Variants in NXPH1 observed in about 807,000 individuals in gnomAD.
The protein encoded by NXPH1 is neurexophilin-1.
A neutral mutation model predicts 23.7 loss-of-function variants in NXPH1; 5 were observed. That is an observed-to-expected ratio of 0.21 (90% confidence interval 0.11 to 0.44). The LOEUF (loss-of-function observed/expected upper bound fraction) is 0.44, where lower values mean the gene tolerates loss of function less well. NXPH1 is among the 20% of genes least tolerant of loss of function. The pLI is 0.99. For synonymous variants in NXPH1, 144 were observed against 122.2 expected, an observed-to-expected ratio of 1.18 and a Z score of -1.18; for missense variants, 324 against 321.6, an observed-to-expected ratio of 1.01 and a Z score of -0.06.
chr7:8,727,561 G>A (rs1419132064), intron 2 of NXPH1, among the ~76,000 whole-genome samples: 1 of 152,052 alleles, frequency 6.6e-6, no homozygotes, highest in Non-Finnish European at 1.5e-5. Context: ...CATATTGCTA[G>A]CCAGGTTTCC....
At chr7:8,493,047 G>T (rs187605506) in intron 2 of NXPH1, among the ~76,000 whole-genome samples, 1 of 152,050 alleles carries the variant, frequency 6.6e-6, no homozygotes, top group Admixed American at 6.6e-5. Context: ...GGTCCCTCAG[G>T]ATCTTATCTT....
chr7:8,557,220 A>G lies in NXPH1; in HGVS notation c.54+121453A>G, dbSNP rs143194983. Among the ~76,000 whole-genome samples the G allele has an allele frequency of 2.2e-3, 341 of 151,754 alleles. 4 individuals carry two copies. The highest frequency in any genetic ancestry group is 7.6e-3 in the African/African-American group (317 of 41,478). On this transcript the variant is annotated intron_variant, in intron 2 of 2. Transcript: ENST00000405863. ...GTGTTACAGCATTGTTCATGTGGGT[A>G]CATCCCGGGCTTTTGTTAGTCTTAA...
intron 2 of NXPH1, among the ~76,000 whole-genome samples, chr7:8,452,712 G>A (rs1816528578): frequency 6.6e-6 from 1 of 152,078 alleles, no homozygotes; most frequent in East Asian, 1.9e-4. Context: ...TTTCTAGTGG[G>A]CATCCTAAAG....
chr7:8,566,407 A>T (rs940273955), intron 2 of NXPH1, among the ~76,000 whole-genome samples: 1 of 151,850 alleles, frequency 6.6e-6, no homozygotes, highest in African/African-American at 2.4e-5. Flanking sequence ...GTAAAGCATT[A>T]TTTTGGGGCT....
At chr7:8,631,346 C>T (rs973097678) in intron 2 of NXPH1, among the ~76,000 whole-genome samples, 1 of 152,108 alleles carries the variant, frequency 6.6e-6, no homozygotes, top group African/African-American at 2.4e-5. Flanking sequence ...TAGGCAATAC[C>T]ATTCAGGACA....
chr7:8,706,823 A>T (rs1018633196), intron 2 of NXPH1, among the ~76,000 whole-genome samples: 5 of 152,154 alleles, frequency 3.3e-5, no homozygotes, highest in African/African-American at 1.2e-4. Flanking sequence ...AGGGAGGAGG[A>T]GTCCCTCTTA....
At chr7:8,436,951 T>A (rs1816205801) in intron 2 of NXPH1, among the ~76,000 whole-genome samples, 1 of 152,212 alleles carries the variant, frequency 6.6e-6, no homozygotes, top group Non-Finnish European at 1.5e-5. Context: ...GTGAATTCTG[T>A]GTATGTGAGT....
At chr7:8,727,069 C>T (rs1017194739) in intron 2 of NXPH1, among the ~76,000 whole-genome samples, 14 of 147,332 alleles carry the variant, frequency 9.5e-5, no homozygotes, top group African/African-American at 3.6e-4. Flanking sequence ...TTTTGATTTG[C>T]ATTTCTCTGA....
chr7:8,693,768 G>T (rs17406479), intron 2 of NXPH1, among the ~76,000 whole-genome samples: 23,417 of 152,074 alleles, frequency 0.15, 2,242 homozygotes, highest in Middle Eastern at 0.32. Context: ...TTATAAGTTG[G>T]TTTTCAAGTT....
intron 2 of NXPH1, among the ~76,000 whole-genome samples, chr7:8,454,727 A>G (rs1208351936): frequency 1.3e-5 from 2 of 151,938 alleles, no homozygotes; most frequent in South Asian, 2.1e-4. Flanking sequence ...GAGTTAGAAT[A>G]AGTCAACTTT....
At position 8,435,872 on chromosome 7, in the gene NXPH1, A is replaced by T; in HGVS notation, c.54+105A>T. The stretch of plus-strand genomic sequence containing the variant: ...GTTACGCCGCCAGTTCAGTGAGAGC[A>T]GCTTCCTAGCAGCTGTGTTGGAGCA... On this transcript the variant is annotated intron_variant, in intron 2 of 2. Transcript: ENST00000405863. The surrounding 1 kb of genome is among the most constrained non-coding windows in gnomAD (Gnocchi z 5.9). 9.5e-7 allele frequency: 1 copy of T among 1,052,624 alleles called. No individual in the cohort carries two copies. The allele number at this position is 1,052,624 out of a possible 1,614,324, so 65.2% of individuals were successfully genotyped here.
At chr7:8,502,096 TTGGCTC>T (rs1412246845) in intron 2 of NXPH1, among the ~76,000 whole-genome samples, 1 of 152,064 alleles carries the variant, frequency 6.6e-6, no homozygotes, top group African/African-American at 2.4e-5. Context: ...CTATCATTAA[TTGGCTC>T]TGTGGAACCG....
chr7:8,506,881 G>C (rs1817535044), intron 2 of NXPH1, among the ~76,000 whole-genome samples: 1 of 152,054 alleles, frequency 6.6e-6, no homozygotes, highest in Non-Finnish European at 1.5e-5. Context: ...GCAGGCACCA[G>C]ACCCTGCATG....
chr7:8,636,129 A>C (rs973223846), intron 2 of NXPH1, among the ~76,000 whole-genome samples: 2 of 152,050 alleles, frequency 1.3e-5, no homozygotes, highest in Non-Finnish European at 2.9e-5. Flanking sequence ...GCCCAGCTTC[A>C]TTTATACCCT....
chr7:8,697,670 G>C (rs536090522), intron 2 of NXPH1, among the ~76,000 whole-genome samples: 2 of 152,288 alleles, frequency 1.3e-5, no homozygotes, highest in East Asian at 3.9e-4. Flanking sequence ...ATCATGATTT[G>C]AGGAGAATGA....
At chr7:8,663,387 A>G (rs1327796427) in intron 2 of NXPH1, among the ~76,000 whole-genome samples, 1 of 152,092 alleles carries the variant, frequency 6.6e-6, no homozygotes, top group Non-Finnish European at 1.5e-5. Context: ...CATCTGATTT[A>G]CAGTTTTTGT....
chr7:8,601,031 T>C (rs544266110), intron 2 of NXPH1, among the ~76,000 whole-genome samples: 2 of 152,126 alleles, frequency 1.3e-5, no homozygotes, highest in South Asian at 4.1e-4. Flanking sequence ...TTAAAGTATA[T>C]GGAAGGATAT....
At chr7:8,731,109 A>C (rs1344782540) in intron 2 of NXPH1, among the ~76,000 whole-genome samples, 7 of 151,572 alleles carry the variant, frequency 4.6e-5, no homozygotes, top group Non-Finnish European at 1.0e-4. Context: ...TATCACTGAT[A>C]CCCTTTCTTC....
At chr7:8,600,121 T>C (rs7803491) in intron 2 of NXPH1, among the ~76,000 whole-genome samples, 57,349 of 151,818 alleles carry the variant, frequency 0.38, 11,953 homozygotes, top group African/African-American at 0.57. Context: ...ATGAGAAGTT[T>C]GATTCAGTAA....
Sources: gnomAD v4.1 joint callset for allele counts (sites outside exome capture counted in the v4.1 genomes callset) on GRCh38, gnomAD v4.1.1 for gene constraint, Gnocchi (gnomAD v3.1) non-coding constraint, MANE v1.5 for transcripts, NCBI Gene and HGNC (gene_info 2026-07-23, HGNC 2026-07-21) for gene names.